ECM2: variants seen among roughly 807,000 people sequenced by gnomAD.
ECM2 encodes extracellular matrix protein 2, female organ and adipocyte specific.
ECM2 carries 57 observed loss-of-function variants against 67.5 expected under a neutral mutation model. The observed-to-expected ratio is 0.84, with a 90% CI of 0.68 to 1.05. The LOEUF (loss-of-function observed/expected upper bound fraction) is 1.05, where lower values mean the gene tolerates loss of function less well. ECM2 is among the 50% of genes least tolerant of loss of function. The pLI is 0.00. For synonymous variants in ECM2, 258 were observed against 294.5 expected, an observed-to-expected ratio of 0.88 and a Z score of 1.27; for missense variants, 741 against 822.8, an observed-to-expected ratio of 0.90 and a Z score of 1.22.
the ECM2 span, among the ~76,000 whole-genome samples, chr9:92,554,858 G>T: frequency 6.6e-6 from 1 of 151,674 alleles, no homozygotes; most frequent in Non-Finnish European, 1.5e-5. Context: ...GGCTGGTCTC[G>T]AACTCCTGAC....
chr9:92,512,212 A>G (rs1847393849), intron 4 of ECM2, 86 bp from the exon 5 acceptor site: 1 of 781,670 alleles, frequency 1.3e-6, no homozygotes, highest in Non-Finnish European at 2.1e-6. Context: ...ATAGATATCA[A>G]GAGAGAGCTT....
chr9:92,494,409 G>T (rs1334733914), downstream of ECM2, among the ~76,000 whole-genome samples: 1 of 152,104 alleles, frequency 6.6e-6, no homozygotes, highest in Non-Finnish European at 1.5e-5. Context: ...AGTCAACCTG[G>T]CCACTTTAAA....
At chr9:92,547,672 A>G in the ECM2 span, among the ~76,000 whole-genome samples, 1 of 152,238 alleles carries the variant, frequency 6.6e-6, no homozygotes, top group Admixed American at 6.5e-5. Context: ...GAAGATAGGG[A>G]ATGACTGTTA....
chr9:92,494,693 G>A (rs112390460), downstream of ECM2, among the ~76,000 whole-genome samples: 315 of 152,220 alleles, frequency 2.1e-3, no homozygotes, highest in Middle Eastern at 0.01. Context: ...CTTATCACAA[G>A]GTCAAGAGAT....
chr9:92,551,335 G>T, the ECM2 span, among the ~76,000 whole-genome samples: 2 of 151,958 alleles, frequency 1.3e-5, no homozygotes, highest in Non-Finnish European at 2.9e-5. Flanking sequence ...CCAAAATGAC[G>T]TCTGATGCTT....
At chr9:92,507,626 A>G (rs1480126237) in intron 6 of ECM2, among the ~76,000 whole-genome samples, 1 of 152,206 alleles carries the variant, frequency 6.6e-6, no homozygotes, top group African/African-American at 2.4e-5. Flanking sequence ...TGGACATGGC[A>G]GGTGCCTCGA....
intron 1 of ECM2, among the ~76,000 whole-genome samples, chr9:92,525,886 C>A (rs1341430186): frequency 8.3e-6 from 1 of 120,692 alleles, no homozygotes; most frequent in African/African-American, 3.3e-5. Context: ...CAGAGAGACT[C>A]TATCTCCAAA....
At chr9:92,525,527 A>G (rs893168509) in intron 1 of ECM2, among the ~76,000 whole-genome samples, 1 of 152,206 alleles carries the variant, frequency 6.6e-6, no homozygotes, top group African/African-American at 2.4e-5. Context: ...GCATCATAGC[A>G]TAACGCATTA....
At chr9:92,551,555 C>A in the ECM2 span, among the ~76,000 whole-genome samples, 1 of 151,790 alleles carries the variant, frequency 6.6e-6, no homozygotes, top group Non-Finnish European at 1.5e-5. Flanking sequence ...TATTGGGGTA[C>A]AGATGGTATT....
the ECM2 span, among the ~76,000 whole-genome samples, chr9:92,556,302 C>T: frequency 1.3e-5 from 2 of 152,022 alleles, no homozygotes; most frequent in Admixed American, 6.6e-5. Context: ...CATTTTATGG[C>T]CTATCATATG....
downstream of ECM2, among the ~76,000 whole-genome samples, chr9:92,494,413 C>A (rs10514815): frequency 0.41 from 61,834 of 152,044 alleles, 14,718 homozygotes; most frequent in African/African-American, 0.66. Flanking sequence ...AACCTGGCCA[C>A]TTTAAAATTA....
At chr9:92,548,875 G>A in the ECM2 span, among the ~76,000 whole-genome samples, 3 of 152,128 alleles carry the variant, frequency 2.0e-5, no homozygotes, top group African/African-American at 2.4e-5. Context: ...GTGTGTGTGT[G>A]TTATCTAGAA....
intron 2 of ECM2, among the ~76,000 whole-genome samples, chr9:92,519,652 A>G (rs1847939682): frequency 6.6e-6 from 1 of 152,176 alleles, no homozygotes; most frequent in Non-Finnish European, 1.5e-5. Flanking sequence ...CATTAGCTCA[A>G]AATGGATCAA....
chr9:92,505,503 A>T (rs755990076), intron 7 of ECM2, 30 bp downstream of exon 7: 2 of 1,548,972 alleles, frequency 1.3e-6, no homozygotes, highest in East Asian at 4.5e-5. Context: ...AATATAATAC[A>T]TTTAAAACAC....
At chr9:92,509,253 G>C (rs1227388779) in intron 6 of ECM2, among the ~76,000 whole-genome samples, 1 of 152,124 alleles carries the variant, frequency 6.6e-6, no homozygotes, top group East Asian at 1.9e-4. Flanking sequence ...GAGTACAGAA[G>C]TTCCAGCCCA....
At chr9:92,503,444 A>G (rs1846810233) in intron 7 of ECM2, among the ~76,000 whole-genome samples, 1 of 152,182 alleles carries the variant, frequency 6.6e-6, no homozygotes, top group Admixed American at 6.5e-5. Flanking sequence ...TGTGGTCTAT[A>G]ATATTTTAGG....
chr9:92,497,568 G>A (rs1008978986), intron 9 of ECM2, among the ~76,000 whole-genome samples: 7 of 150,836 alleles, frequency 4.6e-5, no homozygotes, highest in East Asian at 1.9e-4. Flanking sequence ...AGGTTGCAGT[G>A]AGCTGAGATC....
the ECM2 span, among the ~76,000 whole-genome samples, chr9:92,555,351 C>A: frequency 6.6e-6 from 1 of 150,428 alleles, no homozygotes; most frequent in Non-Finnish European, 1.5e-5. Flanking sequence ...CTCAACCTCC[C>A]GAGTAGCTGG....
chr9:92,505,114 GTGTC>G (rs1353019850), intron 7 of ECM2, among the ~76,000 whole-genome samples: 2 of 152,214 alleles, frequency 1.3e-5, no homozygotes, highest in Admixed American at 6.5e-5. Context: ...TTAGGTCAGA[GTGTC>G]TGTGGTTTTG....
Sources: gnomAD v4.1 joint callset for allele counts (sites outside exome capture counted in the v4.1 genomes callset) on GRCh38, gnomAD v4.1.1 for gene constraint, MANE v1.5 for transcripts, NCBI Gene and HGNC (gene_info 2026-07-23, HGNC 2026-07-21) for gene names.